SYN2: variants seen among roughly 807,000 people sequenced by gnomAD.
SYN2 encodes the protein synapsin-2.
Under a neutral mutation model 50.9 loss-of-function variants are expected in SYN2, and 19 were observed. That is an observed-to-expected ratio of 0.37 (90% CI 0.26 to 0.55). The LOEUF is 0.55. Among genes scored for constraint, SYN2 ranks in the 20% least tolerant of loss-of-function variants. The pLI is 0.81. For synonymous variants in SYN2, 255 were observed against 224.9 expected (o/e 1.13, Z -1.20); for missense variants, 587 against 576.4 (o/e 1.02, Z -0.19).
chr3:12,140,984 A>C (rs766629571), intron 2 of SYN2, among the ~76,000 whole-genome samples: 1 of 152,030 alleles, frequency 6.6e-6, no homozygotes, highest in Non-Finnish European at 1.5e-5. Context: ...TTGCAGTGTA[A>C]GGTTCCCAGA....
At chr3:12,005,054 G>C (rs2125127067) in intron 1 of SYN2, 126 bp downstream of exon 1, 1 of 384,504 alleles carries the variant, frequency 2.6e-6, no homozygotes, top group East Asian at 3.8e-5. Flanking sequence ...CCGAGGTCCC[G>C]CTGGGAGGAG....
At chr3:12,145,919 A>C in intron 4 of SYN2, 84 bp downstream of exon 4, 1 of 1,568,858 alleles carries the variant, frequency 6.4e-7, no homozygotes, top group Non-Finnish European at 8.7e-7. Context: ...CTCAAGATGC[A>C]GTAGGCCCCA....
chr3:12,158,662 A>T lies in SYN2; in HGVS notation c.775-2884A>T, dbSNP rs373156161. 2.6e-5 allele frequency: 41 copies of T among 1,605,696 alleles called. No individual in the cohort carries two copies. The African/African-American group carries it at 5.2e-4, about 20-fold the overall frequency. On this transcript the variant is annotated intron_variant, in intron 5 of 12. Transcript: ENST00000621198. ...TGCTGGCCAGATACTAATCCCCCAC[A>T]ACCACCCCCTGCTGTGGACCTCGCG... is the stretch of plus-strand genomic sequence containing the variant.
chr3:12,070,745 C>A, intron 1 of SYN2: 1 of 790,420 alleles, frequency 1.3e-6, no homozygotes, highest in Non-Finnish European at 2.1e-6. Flanking sequence ...GAGGCCTAAG[C>A]CCTCCCCCAT....
At position 12,004,540 on chromosome 3, in the gene SYN2, C is replaced by G. The variant is rs749184709; in HGVS notation, c.-12C>G. On this transcript the variant is annotated 5_prime_UTR_variant, in exon 1 of 13. Coordinates refer to ENST00000621198, the MANE Select transcript of SYN2 (RefSeq NM_133625.6). ...CCCCGTAGCCCCGCGCGCCCCCAGCCCTTTAAGCCAGATGATGAACTTCCT... is the reference window on the plus strand; with the variant it reads ...CCCCGTAGCCCCGCGCGCCCCCAGCGCTTTAAGCCAGATGATGAACTTCCT... 4.1e-5 allele frequency: 26 copies of G among 636,508 alleles called. No individual in the cohort carries two copies. The East Asian group carries it at 8.4e-4, about 21-fold the overall frequency. 39.4% of individuals were successfully genotyped at this position (636,508 alleles called of 1,614,324 possible).
intron 5 of SYN2, chr3:12,154,314 G>C: frequency 6.2e-7 from 1 of 1,614,192 alleles, no homozygotes; most frequent in Non-Finnish European, 8.5e-7. Context: ...TTTGGAAATG[G>C]ACATTCCCTT....
intron 1 of SYN2, among the ~76,000 whole-genome samples, chr3:12,008,901 A>G (rs913837866): frequency 1.3e-5 from 2 of 152,206 alleles, no homozygotes; most frequent in African/African-American, 4.8e-5. Flanking sequence ...GGGACAACGA[A>G]GAGACTAGAT....
intron 1 of SYN2, among the ~76,000 whole-genome samples, chr3:12,135,180 G>A (rs1696867536): frequency 6.6e-6 from 1 of 152,194 alleles, no homozygotes; most frequent in Non-Finnish European, 1.5e-5. Context: ...TGCAGTGAGT[G>A]GTGAGCTGTG....
At chr3:12,070,519 G>C (rs1432394006) in intron 1 of SYN2, 2 of 787,942 alleles carry the variant, frequency 2.5e-6, no homozygotes, top group East Asian at 8.3e-5. Flanking sequence ...AGTGAGTTGC[G>C]TGTGGCCCCG....
chr3:12,046,488 T>C (rs1395171689), intron 1 of SYN2, among the ~76,000 whole-genome samples: 1 of 152,218 alleles, frequency 6.6e-6, no homozygotes, highest in East Asian at 1.9e-4. Context: ...CTAAGGATTT[T>C]GCACTTTATT....
At chr3:12,152,457 C>G (rs1697326324) in intron 5 of SYN2, among the ~76,000 whole-genome samples, 1 of 152,204 alleles carries the variant, frequency 6.6e-6, no homozygotes, top group Non-Finnish European at 1.5e-5. Context: ...TGAGAGTACT[C>G]AGCTGAAGGG....
At chr3:12,006,307 G>A (rs1279366180) in intron 1 of SYN2, among the ~76,000 whole-genome samples, 1 of 152,128 alleles carries the variant, frequency 6.6e-6, no homozygotes, top group African/African-American at 2.4e-5. Context: ...AAATCCGAAA[G>A]GACTTTTGCC....
At chr3:12,127,484 G>A (rs577691147) in intron 1 of SYN2, among the ~76,000 whole-genome samples, 5 of 152,316 alleles carry the variant, frequency 3.3e-5, no homozygotes, top group African/African-American at 9.6e-5. Context: ...AGCCTGTGTG[G>A]TTCCATGTTG....
intron 9 of SYN2, among the ~76,000 whole-genome samples, chr3:12,169,186 A>C (rs868431194): frequency 6.6e-6 from 1 of 152,176 alleles, no homozygotes; most frequent in Admixed American, 6.5e-5. Flanking sequence ...AAGTTGGACT[A>C]TGGAGTCTGT....
Position 12,161,572 on chromosome 3 carries a change from G to C in SYN2, c.801G>C (p.Val267=). ...EMLTLPTFPV[V]VKIGHAHSGM... is the part of the protein sequence containing the mutation. ...TGACACTGCCCACGTTCCCTGTGGT[G>C]GTGAAGATTGGCCACGCTCACTCAG... The change falls in exon 6 of 13, where the codon GTG becomes GTC. Residue 267 remains valine, a synonymous_variant. Coordinates refer to ENST00000621198, the MANE Select transcript of SYN2 (RefSeq NM_133625.6). The C allele has an allele frequency of 6.2e-7, 1 of 1,614,042 alleles. No homozygotes were observed. The highest frequency in any genetic ancestry group is 1.3e-5 in the African/African-American group (1 of 75,052).
At chr3:12,183,536 G>A (rs972398439) in intron 11 of SYN2, 164 bp downstream of exon 11, 13 of 1,538,790 alleles carry the variant, frequency 8.4e-6, no homozygotes, top group South Asian at 3.7e-5. Flanking sequence ...CACTGGTGCC[G>A]TTGCTGCGTT....
rs762677170 is a variant in SYN2 at position 12,114,360 on chromosome 3, T to C, written c.378-26291T>C. Among the ~76,000 whole-genome samples the C allele has an allele frequency of 1.1e-3, 163 of 152,278 alleles. 2 individuals are homozygous for C. The highest frequency in any genetic ancestry group is 2.2e-3 in the Admixed American group (34 of 15,272). ...TGGGTAAATAAACTGTTATGAGATATATGATTTGCAAATATTTTCTCCCAT... is the reference window on the plus strand; with the variant it reads ...TGGGTAAATAAACTGTTATGAGATACATGATTTGCAAATATTTTCTCCCAT... On this transcript the variant is annotated intron_variant, in intron 1 of 12. Transcript: ENST00000621198.
intron 4 of SYN2, among the ~76,000 whole-genome samples, chr3:12,147,471 G>A (rs1401106851): frequency 6.6e-6 from 1 of 152,098 alleles, no homozygotes; most frequent in Non-Finnish European, 1.5e-5. Flanking sequence ...GCAGAAACAC[G>A]CTAACAGAGT....
rs367613922 is a variant in SYN2 at position 12,190,786 on chromosome 3, CCATT to C, written c.*162_*165del. The C allele has an allele frequency of 4.9e-4, 677 of 1,389,688 alleles. 2 individuals are homozygous for C. In the African/African-American group the frequency reaches 8.2e-3, roughly 17 times the overall value. The allele number at this position is 1,389,688 out of a possible 1,614,324, so 86.1% of individuals were successfully genotyped here. On this transcript the variant is annotated 3_prime_UTR_variant, in exon 13 of 13. Transcript: ENST00000621198. ...GTGATGTTGTGCAGCCCAGAAAGGA[CCATT>C]TGACAGTCTCAGGGCAGGTGCCTAC...
Sources: gnomAD v4.1 joint callset for allele counts (sites outside exome capture counted in the v4.1 genomes callset) on GRCh38, gnomAD v4.1.1 for gene constraint, MANE v1.5 for transcripts, NCBI Gene and HGNC (gene_info 2026-07-23, HGNC 2026-07-21) for gene names.